UBE2K: variants seen among roughly 807,000 people sequenced by gnomAD.
UBE2K encodes the protein ubiquitin-conjugating enzyme E2 K.
In UBE2K, 6 loss-of-function variants were observed where a neutral mutation model predicts 30.0. That is an observed-to-expected ratio of 0.20 (90% CI 0.11 to 0.39). The LOEUF is 0.39. UBE2K is among the 10% of genes least tolerant of loss of function. UBE2K has a pLI of 1.00. For missense variants in UBE2K, 61 were observed against 241.6 expected, an observed-to-expected ratio of 0.25 and a Z score of 4.96; for synonymous variants, 86 against 83.7, an observed-to-expected ratio of 1.03 and a Z score of -0.15.
intron 1 of UBE2K, among the ~76,000 whole-genome samples, chr4:39,722,987 T>C (rs1240201830): frequency 6.6e-6 from 1 of 151,774 alleles, no homozygotes; most frequent in African/African-American, 2.4e-5. Flanking sequence ...AATTTCACCA[T>C]GTTGGCCAGG....
rs150197220 is a variant in UBE2K, at chr4:39,723,210, AT to A, written c.64-14196del. On this transcript the variant is annotated intron_variant, in intron 1 of 6. Transcript: ENST00000261427. ...AGGTATATGCCACCACACCTAGATA[AT>A]TTTTTTTTTTTTTAAGTAGAGACAG... 2.2e-3 allele frequency among the ~76,000 whole-genome samples: 301 copies of A among 139,844 alleles called. 1 individual carries two copies. The highest frequency in any genetic ancestry group is 8.5e-3 in the South Asian group (37 of 4,352). 91.7% of individuals were successfully genotyped at this position (139,844 alleles called of 152,430 possible). A position where few individuals can be genotyped will look rare whatever the true frequency, so the allele number is the denominator to read the frequency against.
intron 4 of UBE2K, among the ~76,000 whole-genome samples, chr4:39,760,464 A>G (rs375197360): frequency 2.9e-4 from 44 of 152,358 alleles, no homozygotes; most frequent in African/African-American, 9.9e-4. Context: ...CTACATAAAC[A>G]GTAAAAAAGA....
At chr4:39,748,324 G>A (rs1302838655) in intron 3 of UBE2K, among the ~76,000 whole-genome samples, 1 of 152,090 alleles carries the variant, frequency 6.6e-6, no homozygotes, top group Non-Finnish European at 1.5e-5. Flanking sequence ...TAACTCCTGG[G>A]GTCAAGTGAT....
chr4:39,763,718 A>C (rs111436434), intron 4 of UBE2K, among the ~76,000 whole-genome samples: 1,647 of 152,318 alleles, frequency 0.011, 24 homozygotes, highest in African/African-American at 0.036. Flanking sequence ...ACAAATATCC[A>C]AACTATATCA....
At chr4:39,758,168 A>G (rs780121069) in intron 4 of UBE2K, among the ~76,000 whole-genome samples, 5 of 152,212 alleles carry the variant, frequency 3.3e-5, no homozygotes, top group Non-Finnish European at 7.3e-5. Flanking sequence ...TTCTCAGGCC[A>G]AAATCACATC....
At chr4:39,738,093 T>C (rs1720471138) in intron 2 of UBE2K, among the ~76,000 whole-genome samples, 1 of 152,182 alleles carries the variant, frequency 6.6e-6, no homozygotes, top group Non-Finnish European at 1.5e-5. Context: ...GGTGGTAAGA[T>C]ACAGAAATAA....
At chr4:39,705,965 T>A (rs1299997135) in intron 1 of UBE2K, among the ~76,000 whole-genome samples, 3 of 150,132 alleles carry the variant, frequency 2.0e-5, no homozygotes, top group Non-Finnish European at 4.5e-5. Context: ...TACCTCAGCC[T>A]CTGGAATGGC....
At chr4:39,758,649 G>T (rs769373324) in intron 4 of UBE2K, among the ~76,000 whole-genome samples, 2 of 151,916 alleles carry the variant, frequency 1.3e-5, no homozygotes, top group African/African-American at 2.4e-5. Context: ...TTGCACTCTA[G>T]CCTGGGCGAC....
At chr4:39,759,335 G>T (rs991135128) in intron 4 of UBE2K, among the ~76,000 whole-genome samples, 35 of 152,016 alleles carry the variant, frequency 2.3e-4, no homozygotes, top group Non-Finnish European at 4.6e-4. Flanking sequence ...GGAGTGCAAT[G>T]GTGCCATCTC....
intron 4 of UBE2K, among the ~76,000 whole-genome samples, chr4:39,758,561 C>T (rs2109381094): frequency 6.6e-6 from 1 of 152,106 alleles, no homozygotes; most frequent in African/African-American, 2.4e-5. Context: ...ACCTGTAATC[C>T]CAGCTACTTG....
At chr4:39,739,374 T>C (rs1329822156) in intron 2 of UBE2K, among the ~76,000 whole-genome samples, 2 of 151,574 alleles carry the variant, frequency 1.3e-5, no homozygotes, top group African/African-American at 4.8e-5. Flanking sequence ...GAATATTTTC[T>C]TGTTTTTAAT....
In UBE2K at chr4:39,735,391, G is replaced by T. The variant is rs565614334; in HGVS notation, c.64-2029G>T. 3.7e-3 allele frequency among the ~76,000 whole-genome samples: 564 copies of T among 151,652 alleles called. 4 individuals are homozygous for T. The highest frequency in any genetic ancestry group is 0.013 in the African/African-American group (538 of 41,346). On this transcript the variant is annotated intron_variant, in intron 1 of 6. Transcript: ENST00000261427. ...GCCCAACTAAATTTTTGTGTTTTTG[G>T]TTTTTTTGAGACGGAGTCTCGTTCT...
chr4:39,743,106 T>A (rs1306455212), intron 2 of UBE2K, among the ~76,000 whole-genome samples: 4 of 152,138 alleles, frequency 2.6e-5, no homozygotes, highest in Non-Finnish European at 5.9e-5. Flanking sequence ...AGTACCACTT[T>A]TATTTTTTCC....
intron 4 of UBE2K, among the ~76,000 whole-genome samples, chr4:39,759,282 A>AT (rs1453039830): frequency 2.0e-5 from 3 of 152,022 alleles, no homozygotes; most frequent in African/African-American, 7.2e-5. Context: ...GTTTATTATT[A>AT]TTATTTTTTT....
intron 4 of UBE2K, among the ~76,000 whole-genome samples, chr4:39,769,820 G>A (rs1489952312): frequency 1.3e-5 from 2 of 151,954 alleles, no homozygotes; most frequent in African/African-American, 4.8e-5. Context: ...CTAAGAGAAG[G>A]AAATCTTTCT....
chr4:39,738,082 G>A (rs559285561), intron 2 of UBE2K, among the ~76,000 whole-genome samples: 4 of 152,224 alleles, frequency 2.6e-5, no homozygotes, highest in Non-Finnish European at 5.9e-5. Flanking sequence ...CCATGGAATC[G>A]GGTGGTAAGA....
intron 4 of UBE2K, chr4:39,770,690 C>G: frequency 6.4e-7 from 1 of 1,573,844 alleles, no homozygotes; most frequent in Non-Finnish European, 8.6e-7. Flanking sequence ...TGCTGGGGGG[C>G]ACGCTGCTCT....
At position 39,782,424 on chromosome 4, in the gene UBE2K, C is replaced by G. The variant is rs1489282927; in HGVS notation, c.*3990C>G. On this transcript the variant is annotated 3_prime_UTR_variant, in exon 7 of 7. Coordinates refer to ENST00000261427, the MANE Select transcript of UBE2K (RefSeq NM_005339.5). ...AAAATAATATCTATTTTTTAGCTTT[C>G]AGCAATTGATGGTGCTTTGTTGTGG... The G allele has an allele frequency of 6.6e-6, 1 of 152,564 alleles. No homozygotes were observed. The highest frequency in any genetic ancestry group is 1.5e-5 in the Non-Finnish European group (1 of 68,378). 9.5% of individuals were successfully genotyped at this position (152,564 alleles called of 1,614,324 possible).
intron 4 of UBE2K, among the ~76,000 whole-genome samples, chr4:39,766,709 T>G (rs1712362511): frequency 6.6e-6 from 1 of 152,026 alleles, no homozygotes; most frequent in African/African-American, 2.4e-5. Context: ...CCACACCAGC[T>G]TCACAGGAGT....
Sources: allele counts gnomAD v4.1 joint callset (sites outside exome capture counted in the v4.1 genomes callset), GRCh38; gene constraint gnomAD v4.1.1; transcripts MANE v1.5; gene names NCBI Gene and HGNC (gene_info 2026-07-23, HGNC 2026-07-21).